Variants in EPB41L4A observed in about 807,000 individuals in gnomAD.
EPB41L4A encodes erythrocyte membrane protein band 4.1 like 4A, also known as band 4.1-like protein 4A.
A neutral mutation model predicts 108.6 loss-of-function variants in EPB41L4A; 100 were observed. The observed-to-expected ratio is 0.92, with a 90% CI of 0.78 to 1.09. The LOEUF (loss-of-function observed/expected upper bound fraction) is 1.09, where lower values mean the gene tolerates loss of function less well. Ranked by LOEUF, EPB41L4A falls within the 50% of genes least tolerant of loss-of-function variation. The pLI is 0.00. For missense variants in EPB41L4A, 1,030 were observed against 842.7 expected (o/e 1.22, Z -2.75); for synonymous variants, 319 against 289.0 (o/e 1.10, Z -1.05).
At chr5:112,353,294 C>T (rs1432514805) in intron 1 of EPB41L4A, among the ~76,000 whole-genome samples, 1 of 152,152 alleles carries the variant, frequency 6.6e-6, no homozygotes, top group African/African-American at 2.4e-5. Flanking sequence ...CATATGCAGG[C>T]ACTAGTGTTA....
chr5:112,415,405 G>C (rs951409444), intron 1 of EPB41L4A, among the ~76,000 whole-genome samples: 1 of 151,990 alleles, frequency 6.6e-6, no homozygotes, highest in Non-Finnish European at 1.5e-5. Flanking sequence ...ATACTCATAG[G>C]GAAAAATGAG....
At chr5:112,228,820 G>C in intron 12 of EPB41L4A, 1 of 829,188 alleles carries the variant, frequency 1.2e-6, no homozygotes, top group Non-Finnish European at 1.5e-6. Flanking sequence ...TAGACTTGCA[G>C]GAATGCTCTG....
intron 9 of EPB41L4A, among the ~76,000 whole-genome samples, chr5:112,256,431 C>T (rs1290714968): frequency 6.6e-6 from 1 of 151,846 alleles, no homozygotes; most frequent in Non-Finnish European, 1.5e-5. Flanking sequence ...AAGTGATATA[C>T]CTATAAAAAT....
At chr5:112,148,935 G>A (rs1254065038) in intron 12 of EPB41L4A, among the ~76,000 whole-genome samples, 1 of 152,052 alleles carries the variant, frequency 6.6e-6, no homozygotes. Flanking sequence ...CCATTTCATT[G>A]ACAGGGAATG....
At chr5:112,363,734 A>C (rs1758932582) in intron 1 of EPB41L4A, 1 of 93,082 alleles carries the variant, frequency 1.1e-5, no homozygotes, top group Non-Finnish European at 2.6e-5. Flanking sequence ...CTGATAGCTT[A>C]AATTTTTAAA....
chr5:112,279,709 T>G (rs1288239187), intron 3 of EPB41L4A, among the ~76,000 whole-genome samples: 1 of 152,168 alleles, frequency 6.6e-6, no homozygotes, highest in Admixed American at 6.5e-5. Flanking sequence ...AAATTAAGAT[T>G]AAGGAATATA....
At chr5:112,284,633 C>G (rs548190460) in intron 2 of EPB41L4A, among the ~76,000 whole-genome samples, 1 of 152,316 alleles carries the variant, frequency 6.6e-6, no homozygotes, top group South Asian at 2.1e-4. Context: ...TGAACCCAAA[C>G]AGACCCTGCT....
At chr5:112,190,237 G>C (rs1328213404) in intron 17 of EPB41L4A, among the ~76,000 whole-genome samples, 1 of 152,076 alleles carries the variant, frequency 6.6e-6, no homozygotes, top group East Asian at 1.9e-4. Context: ...CCAGTGAATT[G>C]AAACACCAAT....
intron 9 of EPB41L4A, among the ~76,000 whole-genome samples, chr5:112,245,538 A>C (rs1229436446): frequency 6.6e-6 from 1 of 152,190 alleles, no homozygotes; most frequent in Non-Finnish European, 1.5e-5. Context: ...TAATTCCAAA[A>C]CCTTGTCTGG....
At chr5:112,380,223 T>C (rs1760077615) in intron 1 of EPB41L4A, among the ~76,000 whole-genome samples, 1 of 152,122 alleles carries the variant, frequency 6.6e-6, no homozygotes, top group African/African-American at 2.4e-5. Flanking sequence ...TGAGAAAAAC[T>C]AGTCAGATTT....
At chr5:112,377,176 G>T (rs1341774539) in intron 1 of EPB41L4A, among the ~76,000 whole-genome samples, 3 of 149,586 alleles carry the variant, frequency 2.0e-5, no homozygotes, top group African/African-American at 7.5e-5. Flanking sequence ...CTGTACTTCA[G>T]CCTGGGTGAC....
intron 2 of EPB41L4A, among the ~76,000 whole-genome samples, chr5:112,305,523 G>T (rs1580649189): frequency 6.6e-6 from 1 of 151,824 alleles, no homozygotes; most frequent in Admixed American, 6.6e-5. Flanking sequence ...TTCACACAGG[G>T]TTTTTTTTAA....
upstream of EPB41L4A, chr5:112,419,845 C>T (rs1287332930): frequency 4.4e-6 from 2 of 456,640 alleles, no homozygotes; most frequent in Admixed American, 4.7e-5. Flanking sequence ...CCGTGTGTAG[C>T]CAAGTTCAAG....
chr5:112,398,382 G>GT (rs536021488), intron 1 of EPB41L4A, among the ~76,000 whole-genome samples: 24 of 151,580 alleles, frequency 1.6e-4, no homozygotes, highest in African/African-American at 3.6e-4. Context: ...AGAATGTGGG[G>GT]TTTTTTTTGT....
At chr5:112,399,486 G>A (rs979190857) in intron 1 of EPB41L4A, among the ~76,000 whole-genome samples, 2 of 152,188 alleles carry the variant, frequency 1.3e-5, no homozygotes, top group African/African-American at 2.4e-5. Flanking sequence ...CTGGCACCTG[G>A]AAGGTTCTCG....
At chr5:112,153,366 A>T (rs1759538605) in intron 12 of EPB41L4A, among the ~76,000 whole-genome samples, 1 of 151,002 alleles carries the variant, frequency 6.6e-6, no homozygotes, top group Admixed American at 6.6e-5. Flanking sequence ...CATCTCTACT[A>T]AAAATACAAA....
intron 1 of EPB41L4A, among the ~76,000 whole-genome samples, chr5:112,347,729 G>A (rs1256695487): frequency 6.6e-6 from 1 of 152,190 alleles, no homozygotes; most frequent in African/African-American, 2.4e-5. Context: ...GTGAACTAGT[G>A]GAAAATTAGA....
intron 1 of EPB41L4A, among the ~76,000 whole-genome samples, chr5:112,333,654 T>G (rs766707985): frequency 1.2e-4 from 18 of 152,138 alleles, no homozygotes; most frequent in Non-Finnish European, 2.4e-4. Flanking sequence ...ACCGTATGAG[T>G]TGCAGTCTCT....
intron 2 of EPB41L4A, among the ~76,000 whole-genome samples, chr5:112,303,419 C>T (rs1246023172): frequency 6.6e-6 from 1 of 152,114 alleles, no homozygotes; most frequent in African/African-American, 2.4e-5. Context: ...GTAAACAGTA[C>T]TAGCAAAGGT....
Sources: gnomAD v4.1 joint callset for allele counts (sites outside exome capture counted in the v4.1 genomes callset) on GRCh38, gnomAD v4.1.1 for gene constraint, MANE v1.5 for transcripts, NCBI Gene and HGNC (gene_info 2026-07-23, HGNC 2026-07-21) for gene names.